CDH6: variants seen among roughly 807,000 people sequenced by gnomAD.
CDH6 encodes cadherin 6.
A neutral mutation model predicts 78.0 loss-of-function variants in CDH6; 31 were observed. The ratio of observed to expected loss-of-function variants is 0.40; its 90% CI spans 0.30 to 0.54. The LOEUF (loss-of-function observed/expected upper bound fraction) is 0.54. Among genes scored for constraint, CDH6 ranks in the 20% least tolerant of loss-of-function variants. The pLI, the probability that CDH6 is intolerant of heterozygous loss-of-function variation, is 0.56. For synonymous variants in CDH6, 376 were observed against 368.8 expected (o/e 1.02, Z -0.23); for missense variants, 724 against 975.9 (o/e 0.74, Z 3.44).
Position 31,194,756 on chromosome 5 carries a change from G to A in CDH6, c.-129+870G>A, listed in dbSNP as rs962213418. ...CGGTGCCAGATGCTGGAAAATTGGA[G>A]CCCCCAATGCGTTAATCCCAGAATT... On this transcript the variant is annotated intron_variant, in intron 1 of 11. Transcript: ENST00000265071. Among the ~76,000 whole-genome samples the A allele has an allele frequency of 4.6e-5, 7 of 152,194 alleles. No individual in the cohort carries two copies. The South Asian group carries it at 1.0e-3, about 23-fold the overall frequency.
At chr5:31,290,384 T>G (rs1743124433) in intron 2 of CDH6, among the ~76,000 whole-genome samples, 1 of 152,210 alleles carries the variant, frequency 6.6e-6, no homozygotes, top group Non-Finnish European at 1.5e-5. Flanking sequence ...AGATGTGACT[T>G]TCTGTGGCAA....
In CDH6 at chr5:31,329,074, T is replaced by A. The variant is rs1396827343; in HGVS notation, c.*5766T>A. 2.4e-5 allele frequency: 5 copies of A among 205,216 alleles called. No individual in the cohort carries two copies. The highest frequency in any genetic ancestry group is 1.2e-4 in the Admixed American group (2 of 16,756). 12.7% of individuals were successfully genotyped at this position (205,216 alleles called of 1,614,324 possible). A position where few individuals can be genotyped will look rare whatever the true frequency, so the allele number is the denominator to read the frequency against. Reference sequence around the variant, plus strand: ...AAAGTGATTTCTCACAAAGAGTAAATATGCCTTTTGCAAATCAATTTTTGT... The same window carrying A: ...AAAGTGATTTCTCACAAAGAGTAAAAATGCCTTTTGCAAATCAATTTTTGT... On this transcript the variant is annotated 3_prime_UTR_variant, in exon 12 of 12. Transcript: ENST00000265071.
chr5:31,231,159 A>T (rs1741301518), intron 1 of CDH6, among the ~76,000 whole-genome samples: 2 of 152,298 alleles, frequency 1.3e-5, no homozygotes, highest in Admixed American at 1.3e-4. Flanking sequence ...CAAATGTTCA[A>T]ACTCTTTTTA....
chr5:31,317,242 T>C, intron 9 of CDH6, 133 bp from the exon 10 acceptor site: 1 of 593,480 alleles, frequency 1.7e-6, no homozygotes, highest in Non-Finnish European at 3.0e-6. Flanking sequence ...GCAGATTCAC[T>C]GTATATTACT....
chr5:31,207,431 C>G (rs1412413706), intron 1 of CDH6, among the ~76,000 whole-genome samples: 3 of 152,166 alleles, frequency 2.0e-5, no homozygotes, highest in Non-Finnish European at 4.4e-5. Flanking sequence ...TCTGCTTCTC[C>G]AAGAAGCATT....
At position 31,275,867 on chromosome 5, in the gene CDH6, G is replaced by A. The variant is rs148084826; in HGVS notation, c.228+8166G>A. Among the ~76,000 whole-genome samples the A allele has an allele frequency of 4.6e-4, 70 of 152,168 alleles. 2 individuals are homozygous for A. Among genetic ancestry groups the A allele is most frequent in the Admixed American group, 1.1e-3 (17 of 15,278 alleles). ...AGAATTATACATTTAACTTTTAGAG[G>A]CCTCAACCTCTCTAGCCAAATTTTA... On this transcript the variant is annotated intron_variant, in intron 2 of 11. Coordinates refer to ENST00000265071, the MANE Select transcript of CDH6 (RefSeq NM_004932.4).
chr5:31,271,838 A>AAC (rs1742539114), intron 2 of CDH6, among the ~76,000 whole-genome samples: 1 of 152,168 alleles, frequency 6.6e-6, no homozygotes, highest in African/African-American at 2.4e-5. Flanking sequence ...TCCCCAGGTG[A>AAC]ATCGTACGCA....
chr5:31,240,632 A>G (rs1035573028), intron 1 of CDH6, among the ~76,000 whole-genome samples: 2 of 152,178 alleles, frequency 1.3e-5, no homozygotes, highest in African/African-American at 4.8e-5. Context: ...CCAACTACCA[A>G]GAAGAAACAC....
chr5:31,235,554 G>T (rs1422405572), intron 1 of CDH6, among the ~76,000 whole-genome samples: 1 of 152,068 alleles, frequency 6.6e-6, no homozygotes, highest in African/African-American at 2.4e-5. Context: ...TCTGCAAGCA[G>T]CTACTGACCA....
At chr5:31,271,691 C>A (rs1226159031) in intron 2 of CDH6, among the ~76,000 whole-genome samples, 1 of 152,106 alleles carries the variant, frequency 6.6e-6, no homozygotes, top group Non-Finnish European at 1.5e-5. Context: ...GTTTTCTAAA[C>A]CACATCTCCA....
At chr5:31,320,037 C>G (rs756425608) in intron 11 of CDH6, among the ~76,000 whole-genome samples, 1 of 152,082 alleles carries the variant, frequency 6.6e-6, no homozygotes, top group Non-Finnish European at 1.5e-5. Context: ...CCCTCTATTC[C>G]GCCAAAAATC....
chr5:31,323,400 G>A lies in CDH6; in HGVS notation c.*92G>A, dbSNP rs911721430. 1.6e-5 allele frequency: 22 copies of A among 1,402,506 alleles called. No individual in the cohort carries two copies. The highest frequency in any genetic ancestry group is 2.1e-5 in the Non-Finnish European group (22 of 1,034,716). The allele number at this position is 1,402,506 out of a possible 1,614,324, so 86.9% of individuals were successfully genotyped here. A position where few individuals can be genotyped will look rare whatever the true frequency, so the allele number is the denominator to read the frequency against. ...TCCACTACTCCGTGAAGGCTTCTCT[G>A]TTCTACCCGTTCCAAAAGCCAATGG... On this transcript the variant is annotated 3_prime_UTR_variant, in exon 12 of 12. Coordinates refer to ENST00000265071, the MANE Select transcript of CDH6 (RefSeq NM_004932.4).
chr5:31,255,714 A>C (rs897001908), intron 1 of CDH6, among the ~76,000 whole-genome samples: 2 of 152,226 alleles, frequency 1.3e-5, no homozygotes, highest in Admixed American at 6.5e-5. Context: ...TCAGGGAAGA[A>C]ACCTTTTGGT....
At chr5:31,222,540 G>A (rs1444760565) in intron 1 of CDH6, among the ~76,000 whole-genome samples, 1 of 152,070 alleles carries the variant, frequency 6.6e-6, no homozygotes, top group Admixed American at 6.5e-5. Context: ...TGATGATTCA[G>A]ATATCAGTGC....
At position 31,328,492 on chromosome 5, in the gene CDH6, C is replaced by T. The variant is rs1738664877; in HGVS notation, c.*5184C>T. ...GACCTGCTCGGAAGAAACGTAGGAA[C>T]GCTTCAAACCCACTGTAATGTTTGG... On this transcript the variant is annotated 3_prime_UTR_variant, in exon 12 of 12. Transcript: ENST00000265071. The T allele has an allele frequency of 4.8e-6, 1 of 207,124 alleles. No individual in the cohort carries two copies. Among genetic ancestry groups the T allele is most frequent in the South Asian group, 1.9e-4 (1 of 5,296 alleles). The allele number at this position is 207,124 out of a possible 1,614,324, so 12.8% of individuals were successfully genotyped here.
At chr5:31,322,505 T>C (rs1738498589) in intron 11 of CDH6, among the ~76,000 whole-genome samples, 1 of 152,208 alleles carries the variant, frequency 6.6e-6, no homozygotes, top group South Asian at 2.1e-4. Context: ...AGGCCGAGCT[T>C]CTTTTCTTTA....
At chr5:31,274,976 G>T (rs1337255652) in intron 2 of CDH6, among the ~76,000 whole-genome samples, 1 of 152,120 alleles carries the variant, frequency 6.6e-6, no homozygotes, top group Admixed American at 6.5e-5. Context: ...TGCTCATTTT[G>T]GGCACAGCCC....
intron 11 of CDH6, among the ~76,000 whole-genome samples, 172 bp from the exon 12 acceptor site, chr5:31,322,646 T>C (rs1738500995): frequency 6.6e-6 from 1 of 152,200 alleles, no homozygotes. Context: ...ATTTTATGGG[T>C]CCCGGTTTGA....
In CDH6 at chr5:31,321,890, T is replaced by A. The variant is rs1223977778; in HGVS notation, c.1883-928T>A. Among the ~76,000 whole-genome samples, 3 of 152,344 alleles carry A rather than the reference T, an allele frequency of 2.0e-5. No individual in the cohort carries two copies. The East Asian group carries it at 5.8e-4, about 29-fold the overall frequency. On this transcript the variant is annotated intron_variant, in intron 11 of 11. Transcript: ENST00000265071. ...TCTCTCTAAGCTTTTACTGTGTTTTTATTTTTTCACCCATATGTCCATTCA... is the reference window on the plus strand; with the variant it reads ...TCTCTCTAAGCTTTTACTGTGTTTTAATTTTTTCACCCATATGTCCATTCA...
Sources: allele counts gnomAD v4.1 joint callset (sites outside exome capture counted in the v4.1 genomes callset), GRCh38; gene constraint gnomAD v4.1.1; transcripts MANE v1.5; gene names NCBI Gene and HGNC (gene_info 2026-07-23, HGNC 2026-07-21).